NRXN1: variants seen among roughly 807,000 people sequenced by gnomAD.
NRXN1 encodes the protein neurexin-1.
Under a neutral mutation model 150.9 loss-of-function variants are expected in NRXN1, and 39 were observed. That is an observed-to-expected ratio of 0.26 (90% CI 0.20 to 0.34). The LOEUF is 0.34. Ranked by LOEUF, NRXN1 falls within the 10% of genes least tolerant of loss-of-function variation. The pLI is 1.00. For missense variants in NRXN1, 1,815 were observed against 1,949.9 expected, an observed-to-expected ratio of 0.93 and a Z score of 1.30; for synonymous variants, 924 against 757.0, an observed-to-expected ratio of 1.22 and a Z score of -3.62.
chr2:50,107,764 A>G, intron 18 of NRXN1, among the ~76,000 whole-genome samples: 1 of 151,886 alleles, frequency 6.6e-6, no homozygotes, highest in Non-Finnish European at 1.5e-5. Context: ...AATAATGTTG[A>G]TAGTAATACT....
chr2:50,829,786 T>A (rs1671133685), intron 5 of NRXN1: 1 of 1,523,232 alleles, frequency 6.6e-7, no homozygotes, highest in East Asian at 2.4e-5. Flanking sequence ...CTAATGTTTT[T>A]ATTTATGAAG....
At chr2:50,611,565 A>T (rs1020075894) in intron 8 of NRXN1, among the ~76,000 whole-genome samples, 2 of 152,122 alleles carry the variant, frequency 1.3e-5, no homozygotes, top group African/African-American at 4.8e-5. Flanking sequence ...TTCTGCCCCA[A>T]TTGTTTATTT....
At chr2:50,478,011 C>CA (rs1352676721) in intron 15 of NRXN1, among the ~76,000 whole-genome samples, 1 of 152,114 alleles carries the variant, frequency 6.6e-6, no homozygotes, top group African/African-American at 2.4e-5. Context: ...GGGGAACAAT[C>CA]AACCTCTGTC....
At position 50,055,341 on chromosome 2, in the gene NRXN1, T is replaced by C. The variant is rs58261576; in HGVS notation, c.3719-297A>G. On this transcript the variant is annotated intron_variant, in intron 19 of 22. Coordinates refer to ENST00000401669, the MANE Select transcript of NRXN1 (RefSeq NM_001330078.2). ...CAATTTAAACAGCATATAATAGCTT[T>C]ACAAAAAATGACCAATGACCTCAGG... is the stretch of plus-strand genomic sequence containing the variant. Among the ~76,000 whole-genome samples, 1,815 of 152,314 alleles carry C rather than the reference T, an allele frequency of 0.012. 45 individuals are homozygous for C. The highest frequency in any genetic ancestry group is 0.042 in the African/African-American group (1,736 of 41,590).
chr2:51,011,644 T>A lies in NRXN1; in HGVS notation c.772+15858A>T, dbSNP rs80317331. Among the ~76,000 whole-genome samples the A allele has an allele frequency of 1.5e-3, 226 of 152,148 alleles. 2 individuals carry two copies. Among genetic ancestry groups the A allele is most frequent in the African/African-American group, 4.1e-3 (171 of 41,538 alleles). ...ATGTGAACACAATTATTATTCAGAA[T>A]ATAAATAATGACTGGCTTAGATCAC... On this transcript the variant is annotated intron_variant, in intron 2 of 22. Transcript: ENST00000401669.
chr2:50,836,199 T>C (rs749262182), intron 5 of NRXN1, among the ~76,000 whole-genome samples: 8 of 152,120 alleles, frequency 5.3e-5, no homozygotes, highest in Non-Finnish European at 1.2e-4. Flanking sequence ...TTTGTTTTGT[T>C]TAGGTTTTTA....
At chr2:50,676,046 C>A (rs1689495516) in intron 5 of NRXN1, among the ~76,000 whole-genome samples, 1 of 152,080 alleles carries the variant, frequency 6.6e-6, no homozygotes, top group Non-Finnish European at 1.5e-5. Flanking sequence ...GTAGGTGGGC[C>A]TAGTGGTAGG....
At chr2:50,506,846 T>C in intron 12 of NRXN1, 1 of 518,628 alleles carries the variant, frequency 1.9e-6, no homozygotes, top group Non-Finnish European at 3.5e-6. Flanking sequence ...TGACAACTTT[T>C]ACAAACATTC....
intron 5 of NRXN1, among the ~76,000 whole-genome samples, chr2:50,641,794 A>T (rs72885646): frequency 0.017 from 2,640 of 152,206 alleles, 98 homozygotes; most frequent in African/African-American, 0.06. Context: ...ATATTCAGTT[A>T]TTCAGCAGAA....
chr2:50,591,136 A>G (rs1330935145), intron 8 of NRXN1, among the ~76,000 whole-genome samples: 1 of 152,172 alleles, frequency 6.6e-6, no homozygotes, highest in Non-Finnish European at 1.5e-5. Flanking sequence ...GAGATGAAAT[A>G]GAATAGAGCT....
chr2:49,942,614 T>TTTATTATTA (rs1553398764), intron 22 of NRXN1, among the ~76,000 whole-genome samples: 20 of 149,008 alleles, frequency 1.3e-4, no homozygotes, highest in African/African-American at 2.5e-4. Flanking sequence ...TTATTATTAT[T>TTTATTATTA]TTATTATTAT....
intron 18 of NRXN1, among the ~76,000 whole-genome samples, chr2:50,119,668 T>G (rs930187756): frequency 6.6e-6 from 1 of 152,144 alleles, no homozygotes; most frequent in African/African-American, 2.4e-5. Flanking sequence ...TTAAGAGATT[T>G]TGTTTTAAAA....
chr2:50,014,102 T>C (rs1003854473), intron 21 of NRXN1, among the ~76,000 whole-genome samples: 1 of 151,800 alleles, frequency 6.6e-6, no homozygotes, highest in African/African-American at 2.4e-5. Flanking sequence ...CTTGTTTTTT[T>C]TTTGTTTTTG....
chr2:50,670,758 G>T (rs1688729477), intron 5 of NRXN1, among the ~76,000 whole-genome samples: 1 of 151,922 alleles, frequency 6.6e-6, no homozygotes, highest in East Asian at 1.9e-4. Flanking sequence ...TTATTTTGTA[G>T]AATGTGCTGC....
rs1671014637 is a variant in NRXN1 at position 51,028,640 on chromosome 2, A to G, written c.-367T>C. On this transcript the variant is annotated 5_prime_UTR_variant, in exon 2 of 23. Transcript: ENST00000401669. Reference sequence around the variant, plus strand: ...GATTAACTAATTTAAGAGTATCTGCAGTGTCAACAGATACTTAACTCCTCA... The same window carrying G: ...GATTAACTAATTTAAGAGTATCTGCGGTGTCAACAGATACTTAACTCCTCA... 1 of 205,604 alleles carries G rather than the reference A, an allele frequency of 4.9e-6. No homozygotes were observed. The highest frequency in any genetic ancestry group is 1.9e-4 in the South Asian group (1 of 5,356). The allele number at this position is 205,604 out of a possible 1,614,324, so 12.7% of individuals were successfully genotyped here. A position where few individuals can be genotyped will look rare whatever the true frequency, so the allele number is the denominator to read the frequency against.
intron 21 of NRXN1, among the ~76,000 whole-genome samples, chr2:50,007,201 C>T (rs1684914951): frequency 6.6e-6 from 1 of 151,646 alleles, no homozygotes; most frequent in Non-Finnish European, 1.5e-5. Flanking sequence ...TAATAATTAG[C>T]CAGACATAGT....
At chr2:50,764,645 A>G (rs978025871) in intron 5 of NRXN1, among the ~76,000 whole-genome samples, 4 of 152,020 alleles carry the variant, frequency 2.6e-5, no homozygotes, top group African/African-American at 9.7e-5. Context: ...CCATATTGTT[A>G]GTAAGTGGCC....
chr2:50,551,044 GGAAGAGGAAGAA>G (rs1228059900), intron 9 of NRXN1, among the ~76,000 whole-genome samples: 313 of 66,096 alleles, frequency 4.7e-3, no homozygotes, highest in African/African-American at 0.024. Flanking sequence ...AAGAGGAAGA[GGAAGAGGAAGAA>G]GAAGAAGAAG....
At position 50,620,123 on chromosome 2, in the gene NRXN1, T is replaced by A; in HGVS notation, c.1219A>T (p.Met407Leu). 6.2e-7 allele frequency: 1 copy of A among 1,613,578 alleles called. No individual in the cohort carries two copies. The highest frequency in any genetic ancestry group is 8.5e-7 in the Non-Finnish European group (1 of 1,179,674). The stretch of plus-strand genomic sequence containing the variant: ...TAGAAAAAGTCATCAGACCCCAGCA[T>A]GGTATAATCTTCTTGCGTGTAGCCC... ...TTGYTQEDYT[M>L]LGSDDFFYVG... The change falls in exon 8 of 23, where the codon ATG (methionine) becomes TTG (leucine). Residue 407 changes from methionine (M) to leucine (L), a missense_variant. Physicochemically the swap from Met to Leu is conservative, Grantham distance 15 (BLOSUM62 2). Around this residue, in one of 6 missense-constraint regions of NRXN1, gnomAD observed 638 missense variants for 652.6 expected, o/e 0.98. Transcript: ENST00000401669.
Sources: allele counts gnomAD v4.1 joint callset (sites outside exome capture counted in the v4.1 genomes callset), GRCh38; gene constraint gnomAD v4.1.1; regional missense constraint gnomAD v4.1.1; transcripts MANE v1.5; gene names NCBI Gene and HGNC (gene_info 2026-07-23, HGNC 2026-07-21).